Variants in AGBL4 observed in about 807,000 individuals in gnomAD.
The protein encoded by AGBL4 is cytosolic carboxypeptidase 6.
Under a neutral mutation model 66.4 loss-of-function variants are expected in AGBL4, and 58 were observed. That is an observed-to-expected ratio of 0.87 (90% CI 0.71 to 1.09). The LOEUF is 1.09. Ranked by LOEUF, AGBL4 falls within the 50% of genes least tolerant of loss-of-function variation. The probability of loss-of-function intolerance (pLI) is 0.00; values close to 1 mark genes in which losing one functional copy is unlikely to be tolerated. For missense variants in AGBL4, 579 were observed against 631.0 expected, an observed-to-expected ratio of 0.92 and a Z score of 0.88; for synonymous variants, 234 against 222.9, an observed-to-expected ratio of 1.05 and a Z score of -0.44.
chr1:49,912,873 A>G (rs1253807630), intron 1 of AGBL4, among the ~76,000 whole-genome samples: 2 of 152,220 alleles, frequency 1.3e-5, no homozygotes, highest in East Asian at 3.8e-4. Flanking sequence ...GAAACAAAGA[A>G]CCAAAATCCC....
At chr1:49,077,376 C>T (rs1402857514) in intron 4 of AGBL4, among the ~76,000 whole-genome samples, 2 of 152,082 alleles carry the variant, frequency 1.3e-5, no homozygotes, top group Non-Finnish European at 2.9e-5. Flanking sequence ...CCATACAATG[C>T]GTTCTGTGAG....
intron 3 of AGBL4, among the ~76,000 whole-genome samples, chr1:49,645,010 T>G (rs1558128006): frequency 6.6e-6 from 1 of 151,584 alleles, no homozygotes; most frequent in Non-Finnish European, 1.5e-5. Flanking sequence ...ATTTAGGTAT[T>G]TGTACATATA....
chr1:49,003,198 G>A (rs1483467187), intron 5 of AGBL4, among the ~76,000 whole-genome samples: 2 of 152,134 alleles, frequency 1.3e-5, no homozygotes, highest in African/African-American at 2.4e-5. Context: ...AAGGGTTCAC[G>A]ACCACCCTGA....
chr1:49,434,454 G>A (rs1254439790), intron 3 of AGBL4, among the ~76,000 whole-genome samples: 3 of 152,074 alleles, frequency 2.0e-5, no homozygotes, highest in African/African-American at 7.2e-5. Flanking sequence ...GGGCCTTTTG[G>A]TTAGGCAAAA....
At chr1:48,993,844 T>G (rs912368275) in intron 5 of AGBL4, among the ~76,000 whole-genome samples, 4 of 152,116 alleles carry the variant, frequency 2.6e-5, no homozygotes, top group African/African-American at 7.2e-5. Flanking sequence ...GCACAAAGAT[T>G]TCACATGATG....
chr1:49,174,884 T>G (rs976251930), intron 4 of AGBL4: 1 of 151,838 alleles, frequency 6.6e-6, no homozygotes, highest in East Asian at 1.9e-4. Flanking sequence ...ACCATGCCCA[T>G]TAACTGAGGA....
intron 3 of AGBL4, among the ~76,000 whole-genome samples, chr1:49,296,705 G>C (rs1336209180): frequency 6.6e-6 from 1 of 152,140 alleles, no homozygotes; most frequent in Non-Finnish European, 1.5e-5. Context: ...CAGAGAAATT[G>C]AATTGAGTTC....
intron 2 of AGBL4, among the ~76,000 whole-genome samples, chr1:49,702,815 T>C (rs545830523): frequency 3.3e-5 from 5 of 152,146 alleles, no homozygotes; most frequent in South Asian, 2.1e-4. Flanking sequence ...TAATGCAATA[T>C]AACACATTAT....
chr1:49,072,166 C>G (rs967630305), intron 4 of AGBL4, among the ~76,000 whole-genome samples: 2 of 152,148 alleles, frequency 1.3e-5, no homozygotes, highest in South Asian at 4.1e-4. Context: ...CTCCTGAATA[C>G]AGCATACCAA....
chr1:49,690,814 T>G (rs1266537407), intron 3 of AGBL4, among the ~76,000 whole-genome samples: 1 of 152,132 alleles, frequency 6.6e-6, no homozygotes, highest in African/African-American at 2.4e-5. Context: ...GGCATTAAAT[T>G]TAGTGTTTTA....
chr1:49,948,285 T>A (rs888508409), intron 1 of AGBL4, among the ~76,000 whole-genome samples: 9 of 104,416 alleles, frequency 8.6e-5, no homozygotes, highest in Admixed American at 6.6e-4. Flanking sequence ...TAAATATATA[T>A]AAATATATAA....
At chr1:48,759,774 T>A (rs1644156795) in intron 6 of AGBL4, among the ~76,000 whole-genome samples, 1 of 152,196 alleles carries the variant, frequency 6.6e-6, no homozygotes, top group Non-Finnish European at 1.5e-5. Flanking sequence ...CAATTCACCA[T>A]GTAAACTTTT....
In AGBL4 at chr1:50,000,954, C is replaced by T. The variant is rs1225993498; in HGVS notation, c.34+22809G>A. On this transcript the variant is annotated intron_variant, in intron 1 of 13. Transcript: ENST00000371839. ...GGGATAAAAAACTACACATTGGGTA[C>T]AGAGTATGCTGCTTGGGTGATGGGT... Among the ~76,000 whole-genome samples, 5 of 152,008 alleles carry T rather than the reference C, an allele frequency of 3.3e-5. No individual in the cohort carries two copies. The East Asian group carries it at 5.8e-4, about 18-fold the overall frequency.
chr1:49,616,335 G>T (rs1645249317), intron 3 of AGBL4, among the ~76,000 whole-genome samples: 1 of 152,008 alleles, frequency 6.6e-6, no homozygotes, highest in African/African-American at 2.4e-5. Context: ...AGATCACTCT[G>T]TTCTCCTTGA....
intron 6 of AGBL4, among the ~76,000 whole-genome samples, chr1:48,794,390 C>A (rs930688073): frequency 6.6e-6 from 1 of 152,142 alleles, no homozygotes; most frequent in Non-Finnish European, 1.5e-5. Context: ...CCTCACTCAT[C>A]CCTGCCTCTC....
At chr1:49,623,725 T>C (rs183840113) in intron 3 of AGBL4, among the ~76,000 whole-genome samples, 13 of 152,270 alleles carry the variant, frequency 8.5e-5, no homozygotes, top group Admixed American at 8.5e-4. Flanking sequence ...TTATATGACA[T>C]AGATTATGTA....
chr1:48,941,938 C>G (rs1240456715), intron 5 of AGBL4, among the ~76,000 whole-genome samples: 4 of 152,146 alleles, frequency 2.6e-5, no homozygotes, highest in Non-Finnish European at 2.9e-5. Flanking sequence ...CAGAAGGGCC[C>G]AAGTCTCTTC....
intron 6 of AGBL4, among the ~76,000 whole-genome samples, chr1:48,815,047 A>T (rs1027642780): frequency 6.6e-6 from 1 of 152,138 alleles, no homozygotes; most frequent in Non-Finnish European, 1.5e-5. Flanking sequence ...TTTTCTCCAC[A>T]TCCTTTCCAG....
At chr1:48,728,581 T>C (rs980888955) in intron 6 of AGBL4, among the ~76,000 whole-genome samples, 3 of 152,096 alleles carry the variant, frequency 2.0e-5, no homozygotes, top group Non-Finnish European at 2.9e-5. Flanking sequence ...AGTGTTCTAT[T>C]GTATGGCTCT....
Sources: allele counts gnomAD v4.1 joint callset (sites outside exome capture counted in the v4.1 genomes callset), GRCh38; gene constraint gnomAD v4.1.1; transcripts MANE v1.5; gene names NCBI Gene and HGNC (gene_info 2026-07-23, HGNC 2026-07-21).